PRAG1: variants seen among roughly 807,000 people sequenced by gnomAD.
PRAG1 encodes the protein inactive tyrosine-protein kinase PRAG1.
PRAG1 carries 110 observed loss-of-function variants against 95.6 expected under a neutral mutation model. The observed-to-expected ratio is 1.15, with a 90% CI of 0.99 to 1.35. PRAG1 has a LOEUF of 1.35. Ranked by LOEUF, PRAG1 falls within the 40% of genes most tolerant of loss-of-function variation. The pLI, the probability that PRAG1 is intolerant of heterozygous loss-of-function variation, is 0.00. For synonymous variants in PRAG1, 1,052 were observed against 819.4 expected, an observed-to-expected ratio of 1.28 and a Z score of -4.85; for missense variants, 2,554 against 1,864.7, an observed-to-expected ratio of 1.37 and a Z score of -6.81.
Position 8,328,257 on chromosome 8 carries a change from G to C in PRAG1, c.2525C>G (p.Thr842Arg), listed in dbSNP as rs373723255. ...FWTQGSPKPGTASPKLNLSHS... is the reference protein window; with the variant it reads ...FWTQGSPKPGRASPKLNLSHS... ...GCTTAGGTTCAGCTTGGGGCTTGCT[G>C]TTCCGGGCTTGGGGGAGCCTTGGGT... The change falls in exon 5 of 6, where the codon ACA becomes AGA. Residue 842 changes from threonine to arginine, a missense_variant. Transcript: ENST00000615670. 6.2e-6 allele frequency: 10 copies of C among 1,614,068 alleles called. No homozygotes were observed. Among genetic ancestry groups the C allele is most frequent in the Non-Finnish European group, 8.5e-6 (10 of 1,180,032 alleles).
intron 4 of PRAG1, among the ~76,000 whole-genome samples, chr8:8,329,895 CGACAGCAGGGCACAACCTT>C (rs1383002514): frequency 6.6e-6 from 1 of 152,184 alleles, no homozygotes; most frequent in Non-Finnish European, 1.5e-5. Flanking sequence ...CATTAGTGAG[CGACAGCAGGGCACAACCTT>C]GAATGCAACG....
At chr8:8,345,768 C>A (rs1392951154) in intron 3 of PRAG1, among the ~76,000 whole-genome samples, 1 of 152,110 alleles carries the variant, frequency 6.6e-6, no homozygotes, top group Non-Finnish European at 1.5e-5. Context: ...GCACTCCAGC[C>A]TGGGTGACAG....
At chr8:8,351,610 G>T (rs1002480124) in intron 3 of PRAG1, among the ~76,000 whole-genome samples, 2 of 152,138 alleles carry the variant, frequency 1.3e-5, no homozygotes, top group African/African-American at 2.4e-5. Context: ...CCATTGACCA[G>T]ACCTCATTTT....
At chr8:8,327,623 G>T (rs1375776435) in intron 5 of PRAG1, 87 bp downstream of exon 5, 2 of 1,434,580 alleles carry the variant, frequency 1.4e-6, no homozygotes, top group Non-Finnish European at 9.4e-7. Flanking sequence ...TGCCCAGACA[G>T]GTGAAATGAC....
intron 3 of PRAG1, among the ~76,000 whole-genome samples, chr8:8,368,299 C>T (rs1338141402): frequency 6.6e-6 from 1 of 152,188 alleles, no homozygotes; most frequent in East Asian, 1.9e-4. Flanking sequence ...CAGAGAAGCA[C>T]AGAGAAGCCG....
At chr8:8,321,989 T>C (rs1330228200) in intron 5 of PRAG1, among the ~76,000 whole-genome samples, 1 of 152,212 alleles carries the variant, frequency 6.6e-6, no homozygotes, top group Non-Finnish European at 1.5e-5. Flanking sequence ...ATACCTTGTT[T>C]AACATACCTT....
At chr8:8,351,026 G>C (rs1220706094) in intron 3 of PRAG1, among the ~76,000 whole-genome samples, 1 of 152,194 alleles carries the variant, frequency 6.6e-6, no homozygotes, top group Non-Finnish European at 1.5e-5. Flanking sequence ...TATACTGAGT[G>C]TATTAGTTAG....
At chr8:8,379,934 T>A (rs534820902) in intron 2 of PRAG1, among the ~76,000 whole-genome samples, 155 of 152,240 alleles carry the variant, frequency 1.0e-3, no homozygotes, top group African/African-American at 3.7e-3. Context: ...TATTAAGGAA[T>A]TACTGCTAAT....
rs1278236364 is a variant in PRAG1, at chr8:8,318,377, C to T, written c.3998G>A (p.Arg1333Gln). ...GCCCGGCTGCTGCACCAGCTCGCGC[C>T]GAGGCCCCCACAGCAGGCACTGCAG... ...RVLQCLLWGP[R>Q]RELVQQPGTS... The change falls in exon 6 of 6, where the codon CGG (arginine) becomes CAG (glutamine). Residue 1333 changes from arginine (R) to glutamine (Q), a missense_variant. Arg to Gln is a conservative substitution (Grantham distance 43). Transcript: ENST00000615670. The surrounding 1 kb of genome is among the most constrained non-coding windows in gnomAD (Gnocchi z 4.2). 65 of 1,613,324 alleles carry T rather than the reference C, an allele frequency of 4.0e-5. No homozygotes were observed. Among genetic ancestry groups the T allele is most frequent in the Non-Finnish European group, 5.3e-5 (62 of 1,179,660 alleles).
At chr8:8,334,395 C>A (rs1798919720) in intron 4 of PRAG1, among the ~76,000 whole-genome samples, 1 of 150,842 alleles carries the variant, frequency 6.6e-6, no homozygotes, top group African/African-American at 2.4e-5. Flanking sequence ...GAGACTGCAC[C>A]ACTGCACTCC....
chr8:8,381,586 C>G lies in PRAG1; in HGVS notation c.162G>C (p.Leu54=). 5 of 1,614,094 alleles carry G rather than the reference C, an allele frequency of 3.1e-6. No individual in the cohort carries two copies. Among genetic ancestry groups the G allele is most frequent in the Non-Finnish European group, 4.2e-6 (5 of 1,179,980 alleles). Residue 54 remains leucine, a synonymous_variant, in exon 2 of 6, where the codon CTG becomes CTC. Transcript: ENST00000615670. ...AGPPQPRAGS[L]PPPPRLPPRP... is the part of the protein sequence containing the mutation. ...TGGGAGGCAGGCGCGGTGGAGGGGG[C>G]AGGCTGCCCGCTCTGGGCTGGGGAG...
intron 4 of PRAG1, among the ~76,000 whole-genome samples, chr8:8,336,916 C>T (rs1009695197): frequency 9.1e-5 from 3 of 32,814 alleles, no homozygotes; most frequent in African/African-American, 2.1e-4. Context: ...TTTCCCCCCT[C>T]CCCCCACCTC....
chr8:8,320,702 A>T (rs1374354918), intron 5 of PRAG1, among the ~76,000 whole-genome samples: 1 of 152,012 alleles, frequency 6.6e-6, no homozygotes, highest in Non-Finnish European at 1.5e-5. Context: ...TCCTGCAAAC[A>T]CTCCTAAAAT....
intron 3 of PRAG1, among the ~76,000 whole-genome samples, chr8:8,365,450 C>A (rs561607460): frequency 6.6e-6 from 1 of 151,380 alleles, no homozygotes; most frequent in South Asian, 2.1e-4. Flanking sequence ...TGGAGAAACC[C>A]CGTCTCTACT....
intron 4 of PRAG1, 122 bp from the exon 5 acceptor site, chr8:8,328,583 T>C (rs1210328487): frequency 9.2e-7 from 1 of 1,088,392 alleles, no homozygotes; most frequent in African/African-American, 1.6e-5. Flanking sequence ...TTATGTTACT[T>C]CTTTTCTATT....
chr8:8,380,814 C>G lies in PRAG1; in HGVS notation c.330+604G>C, dbSNP rs181352367. 3.4e-3 allele frequency among the ~76,000 whole-genome samples: 450 copies of G among 133,918 alleles called. 2 individuals carry two copies. Among genetic ancestry groups the G allele is most frequent in the Middle Eastern group, 0.033 (7 of 210 alleles). 87.9% of individuals were successfully genotyped at this position (133,918 alleles called of 152,430 possible). A position where few individuals can be genotyped will look rare whatever the true frequency, so the allele number is the denominator to read the frequency against. On this transcript the variant is annotated intron_variant, in intron 2 of 5. Transcript: ENST00000615670. ...ATTGCAGTGAGCTGAGATCGCACCA[C>G]TACACTCCAGCCTGGACGACAGAGA...
At chr8:8,366,465 C>A (rs1386102310) in intron 3 of PRAG1, among the ~76,000 whole-genome samples, 1 of 152,018 alleles carries the variant, frequency 6.6e-6, no homozygotes, top group Non-Finnish European at 1.5e-5. Flanking sequence ...ATGCGTCTGC[C>A]ACAATGTCTG....
chr8:8,339,120 G>T (rs1346098218), intron 4 of PRAG1, among the ~76,000 whole-genome samples: 2 of 151,846 alleles, frequency 1.3e-5, no homozygotes, highest in Admixed American at 6.6e-5. Context: ...GAGAGAGAGA[G>T]AAAGAGATAG....
chr8:8,330,436 A>C (rs1013145774), intron 4 of PRAG1, among the ~76,000 whole-genome samples: 2 of 152,178 alleles, frequency 1.3e-5, no homozygotes, highest in Non-Finnish European at 2.9e-5. Context: ...ATCTGTAGTA[A>C]GCAATCCTTG....
Sources: allele counts gnomAD v4.1 joint callset (sites outside exome capture counted in the v4.1 genomes callset), GRCh38; gene constraint gnomAD v4.1.1; non-coding constraint Gnocchi (gnomAD v3.1); transcripts MANE v1.5; gene names NCBI Gene and HGNC (gene_info 2026-07-23, HGNC 2026-07-21).